PPHLN1: variants seen among roughly 807,000 people sequenced by gnomAD.
PPHLN1 encodes periphilin 1.
A neutral mutation model predicts 51.3 loss-of-function variants in PPHLN1; 29 were observed. That is an observed-to-expected ratio of 0.57 (90% CI 0.42 to 0.77). The LOEUF (loss-of-function observed/expected upper bound fraction) is 0.77. Ranked by LOEUF, PPHLN1 falls within the 30% of genes least tolerant of loss-of-function variation. PPHLN1 has a pLI of 0.00. For synonymous variants in PPHLN1, 147 were observed against 147.8 expected (o/e 0.99, Z 0.04); for missense variants, 436 against 438.4 (o/e 0.99, Z 0.05).
chr12:42,399,563 T>TTATTGATG (rs1290113389), intron 9 of PPHLN1: 4 of 360,852 alleles, frequency 1.1e-5, no homozygotes, highest in African/African-American at 8.9e-5. Context: ...GTACAGGTGC[T>TTATTGATG]TATTGATGTT....
chr12:42,364,545 G>A (rs2075055042), intron 4 of PPHLN1, among the ~76,000 whole-genome samples: 1 of 152,094 alleles, frequency 6.6e-6, no homozygotes, highest in African/African-American at 2.4e-5. Context: ...AATTGCTTGA[G>A]CCTGGGAGGT....
At chr12:42,413,524 ATATGTGTGTGTGTGTGTGTGTG>A (rs1215078157) in intron 9 of PPHLN1, among the ~76,000 whole-genome samples, 1 of 119,012 alleles carries the variant, frequency 8.4e-6, no homozygotes, top group Non-Finnish European at 1.8e-5. Flanking sequence ...ATATATATGT[ATATGTGTGTGTGTGTGTGTGTG>A]TGTGTGTGTG....
At chr12:42,385,932 A>T (rs1354310480) in intron 6 of PPHLN1, among the ~76,000 whole-genome samples, 1 of 152,210 alleles carries the variant, frequency 6.6e-6, no homozygotes, top group Non-Finnish European at 1.5e-5. Context: ...GAAATACAAT[A>T]AGGAATGACT....
At chr12:42,391,884 A>G (rs1054070512) in intron 7 of PPHLN1, among the ~76,000 whole-genome samples, 1 of 152,270 alleles carries the variant, frequency 6.6e-6, no homozygotes, top group East Asian at 1.9e-4. Flanking sequence ...TGATGAATTT[A>G]ACAAGGTGTA....
Position 42,393,630 on chromosome 12 carries a change from G to T in PPHLN1, c.709G>T (p.Ala237Ser). 1 of 1,611,740 alleles carries T rather than the reference G, an allele frequency of 6.2e-7. No homozygotes were observed. The highest frequency in any genetic ancestry group is 8.5e-7 in the Non-Finnish European group (1 of 1,178,986). Reference sequence around the variant, plus strand: ...ACTTGCTGAGGCTGCAAGCAAGTGGGCTGCTGAAAAGCTAGAGAAATCAGA... The same window carrying T: ...ACTTGCTGAGGCTGCAAGCAAGTGGTCTGCTGAAAAGCTAGAGAAATCAGA... Reference protein sequence around the residue: ...KELAEAASKWAAEKLEKSDES... With the variant: ...KELAEAASKWSAEKLEKSDES... The change falls in exon 8 of 10, where the codon GCT becomes TCT. Residue 237 changes from alanine to serine, a missense_variant. By Grantham distance (99) the Ala-to-Ser change is moderately conservative. Coordinates refer to ENST00000358314, the MANE Select transcript of PPHLN1 (RefSeq NM_201439.2).
chr12:42,427,432 A>G (rs868012900), intron 9 of PPHLN1, among the ~76,000 whole-genome samples: 9 of 152,360 alleles, frequency 5.9e-5, no homozygotes, highest in South Asian at 4.1e-4. Flanking sequence ...ACATAGATCA[A>G]TGGAACAGAA....
intron 9 of PPHLN1, among the ~76,000 whole-genome samples, chr12:42,404,111 A>G (rs2079077053): frequency 2.0e-5 from 3 of 151,710 alleles, no homozygotes. Context: ...TTGACAACCT[A>G]TTATATGTGA....
At chr12:42,427,746 A>G (rs1250401548) in intron 9 of PPHLN1, among the ~76,000 whole-genome samples, 2 of 152,234 alleles carry the variant, frequency 1.3e-5, no homozygotes, top group Non-Finnish European at 2.9e-5. Context: ...AATAAAGACA[A>G]AGATAAATAG....
chr12:42,341,685 G>C lies in PPHLN1; in HGVS notation c.72+5711G>C, dbSNP rs148053899. On this transcript the variant is annotated intron_variant, in intron 2 of 9. Coordinates refer to ENST00000358314, the MANE Select transcript of PPHLN1 (RefSeq NM_201439.2). ...TCGCCCAGGCTGGAGTGCAGCGGGCGATCTCGGCTCACTGCAAGCTCCGCC... is the reference window on the plus strand; with the variant it reads ...TCGCCCAGGCTGGAGTGCAGCGGGCCATCTCGGCTCACTGCAAGCTCCGCC... 7.2e-3 allele frequency among the ~76,000 whole-genome samples: 1,092 copies of C among 152,050 alleles called. 42 individuals carry two copies. The East Asian group carries it at 0.091, about 13-fold the overall frequency.
At chr12:42,441,181 G>A in intron 9 of PPHLN1, 134 bp from the exon 10 acceptor site, 1 of 1,252,588 alleles carries the variant, frequency 8.0e-7, no homozygotes, top group Non-Finnish European at 1.1e-6. Flanking sequence ...ACAATGCAAG[G>A]GCGAGAAAGG....
At chr12:42,395,171 T>C (rs2078088784) in intron 8 of PPHLN1, among the ~76,000 whole-genome samples, 1 of 151,964 alleles carries the variant, frequency 6.6e-6, no homozygotes, top group Non-Finnish European at 1.5e-5. Context: ...TTAAACATCT[T>C]TTTTTTCCTC....
chr12:42,352,287 A>T (rs541585721), intron 3 of PPHLN1, among the ~76,000 whole-genome samples: 2 of 152,220 alleles, frequency 1.3e-5, no homozygotes, highest in South Asian at 2.1e-4. Context: ...AATTCCAACC[A>T]GCCTGCTTTT....
In PPHLN1 at chr12:42,387,955, G is replaced by A. The variant is rs766526394; in HGVS notation, c.648+420G>A. Reference sequence around the variant, plus strand: ...AACAAAATATTTACAAGCAGTATGCGTGGTAAAAGTCATCGCCATTCTCTA... The same window carrying A: ...AACAAAATATTTACAAGCAGTATGCATGGTAAAAGTCATCGCCATTCTCTA... On this transcript the variant is annotated intron_variant, in intron 7 of 9. Coordinates refer to ENST00000358314, the MANE Select transcript of PPHLN1 (RefSeq NM_201439.2). Among the ~76,000 whole-genome samples, 9 of 152,334 alleles carry A rather than the reference G, an allele frequency of 5.9e-5. No individual in the cohort carries two copies. In the South Asian group the frequency reaches 6.2e-4, roughly 11 times the overall value.
intron 9 of PPHLN1, chr12:42,400,447 G>A (rs2078704003): frequency 7.7e-6 from 1 of 129,858 alleles, no homozygotes; most frequent in Non-Finnish European, 1.6e-5. Context: ...CAGCCTGGGC[G>A]ACAGAGCGAG....
At chr12:42,433,371 A>C (rs944980478) in intron 9 of PPHLN1, 4 of 462,612 alleles carry the variant, frequency 8.6e-6, no homozygotes, top group African/African-American at 2.0e-5. Flanking sequence ...TACTTAAGGG[A>C]GAATGCAGTG....
In PPHLN1 at chr12:42,328,200, C is replaced by T. The variant is rs191057962; in HGVS notation, c.-21+1971C>T. ...AATGAGAGAATGGAAAAAGATATCC[C>T]GTTTGGAAAATAAACAGCTCCGTGG... On this transcript the variant is annotated intron_variant, in intron 1 of 9. Transcript: ENST00000358314. Among the ~76,000 whole-genome samples, 257 of 152,166 alleles carry T rather than the reference C, an allele frequency of 1.7e-3. 3 individuals are homozygous for T. The highest frequency in any genetic ancestry group is 5.8e-3 in the African/African-American group (239 of 41,496).
At chr12:42,370,535 T>A (rs1212322196) in intron 4 of PPHLN1, among the ~76,000 whole-genome samples, 1 of 152,218 alleles carries the variant, frequency 6.6e-6, no homozygotes, top group South Asian at 2.1e-4. Context: ...TCCCTTTGTC[T>A]CACTTTCTCC....
intron 4 of PPHLN1, among the ~76,000 whole-genome samples, chr12:42,356,728 C>T (rs530564958): frequency 2.9e-4 from 44 of 152,128 alleles, no homozygotes; most frequent in Non-Finnish European, 6.2e-4. Context: ...ATTTCCTTGA[C>T]CGGGTAATTG....
At chr12:42,370,512 C>G (rs1172975903) in intron 4 of PPHLN1, among the ~76,000 whole-genome samples, 1 of 152,050 alleles carries the variant, frequency 6.6e-6, no homozygotes, top group African/African-American at 2.4e-5. Context: ...TCATATTCTT[C>G]TCTTCTACTT....
Sources: allele counts gnomAD v4.1 joint callset (sites outside exome capture counted in the v4.1 genomes callset), GRCh38; gene constraint gnomAD v4.1.1; transcripts MANE v1.5; gene names NCBI Gene and HGNC (gene_info 2026-07-23, HGNC 2026-07-21).